LRRC7: variants seen among roughly 807,000 people sequenced by gnomAD.
LRRC7 encodes leucine-rich repeat-containing protein 7.
Under a neutral mutation model 175.7 loss-of-function variants are expected in LRRC7, and 23 were observed. That is an observed-to-expected ratio of 0.13 (90% CI 0.09 to 0.19). LRRC7 has a LOEUF of 0.19. Among genes scored for constraint, LRRC7 ranks in the 10% least tolerant of loss-of-function variants. LRRC7 has a pLI of 1.00. For missense variants in LRRC7, 1,354 were observed against 1,904.7 expected (o/e 0.71, Z 5.38); for synonymous variants, 685 against 680.9 (o/e 1.01, Z -0.09).
At chr1:69,722,023 GTC>G (rs1666412596) in intron 2 of LRRC7, among the ~76,000 whole-genome samples, 1 of 151,806 alleles carries the variant, frequency 6.6e-6, no homozygotes, top group African/African-American at 2.4e-5. Context: ...ACTGAAAATA[GTC>G]TCTCCCAACT....
intron 1 of LRRC7, among the ~76,000 whole-genome samples, chr1:69,605,173 G>A (rs545789294): frequency 1.8e-4 from 28 of 152,104 alleles, no homozygotes; most frequent in African/African-American, 5.1e-4. Context: ...TGCTGTTCTC[G>A]TGATAGTGAA....
intron 1 of LRRC7, among the ~76,000 whole-genome samples, chr1:69,649,821 G>A (rs1655523597): frequency 1.3e-5 from 2 of 151,358 alleles, no homozygotes; most frequent in South Asian, 4.2e-4. Flanking sequence ...GCTTAAGGGT[G>A]GTAAAGATGG....
At chr1:70,093,316 ATATGAATT>A (rs1358245254) in intron 25 of LRRC7, among the ~76,000 whole-genome samples, 2 of 152,296 alleles carry the variant, frequency 1.3e-5, no homozygotes, top group East Asian at 1.9e-4. Flanking sequence ...CTCTTTATAA[ATATGAATT>A]TATGAATTTA....
intron 7 of LRRC7, among the ~76,000 whole-genome samples, chr1:69,916,557 C>G (rs1402580084): frequency 6.6e-6 from 1 of 151,768 alleles, no homozygotes; most frequent in Non-Finnish European, 1.5e-5. Context: ...ATAGGCCTGT[C>G]AGGATTTTTC....
intron 2 of LRRC7, among the ~76,000 whole-genome samples, chr1:69,708,326 C>G (rs1740907): frequency 0.44 from 66,776 of 151,864 alleles, 14,935 homozygotes; most frequent in Admixed American, 0.5. Flanking sequence ...TTTCCTACCA[C>G]AGTCTACAAG....
At chr1:69,748,305 A>G (rs1027021635) in intron 2 of LRRC7, among the ~76,000 whole-genome samples, 2 of 152,172 alleles carry the variant, frequency 1.3e-5, no homozygotes, top group South Asian at 2.1e-4. Context: ...TACATTGTTT[A>G]CATCAGACAG....
rs1553209788 is a variant in LRRC7 at position 70,135,055 on chromosome 1, TAA to T, written c.*13169_*13170del. 6.6e-6 allele frequency among the ~76,000 whole-genome samples: 1 copy of T among 152,232 alleles called. No individual in the cohort carries two copies. The highest frequency in any genetic ancestry group is 1.5e-5 in the Non-Finnish European group (1 of 68,040). ...TTACATAGAATTTTACTGAAGAGTA[TAA>T]GAGAAAACGTCTTGAAAGTTTGTAT... is the stretch of plus-strand genomic sequence containing the variant. On this transcript the variant is annotated 3_prime_UTR_variant, in exon 27 of 27. Transcript: ENST00000651989.
intron 7 of LRRC7, among the ~76,000 whole-genome samples, chr1:69,842,941 G>T (rs1005382249): frequency 1.3e-5 from 2 of 152,054 alleles, no homozygotes; most frequent in Non-Finnish European, 2.9e-5. Context: ...GCTCACATCT[G>T]TAATCCCAGC....
intron 4 of LRRC7, among the ~76,000 whole-genome samples, chr1:69,796,420 T>C (rs1361197493): frequency 6.6e-6 from 1 of 151,784 alleles, no homozygotes; most frequent in African/African-American, 2.4e-5. Context: ...CTTCTTATCT[T>C]CTCTACCCAA....
intron 2 of LRRC7, among the ~76,000 whole-genome samples, chr1:69,720,560 T>C (rs1286199048): frequency 6.6e-6 from 1 of 151,726 alleles, no homozygotes; most frequent in African/African-American, 2.4e-5. Context: ...CATCTGAAAA[T>C]ATTCTCCTTG....
chr1:70,116,034 A>C (rs1322181743), intron 26 of LRRC7, among the ~76,000 whole-genome samples: 1 of 152,228 alleles, frequency 6.6e-6, no homozygotes, highest in Non-Finnish European at 1.5e-5. Context: ...TATTTGTTGA[A>C]GATGATCATT....
chr1:69,792,108 A>G lies in LRRC7; in HGVS notation c.369A>G (p.Pro123=). The G allele has an allele frequency of 6.2e-7, 1 of 1,611,124 alleles. No individual in the cohort carries two copies. Among genetic ancestry groups the G allele is most frequent in the South Asian group, 1.1e-5 (1 of 90,818 alleles). Residue 123 remains proline (P), a synonymous_variant, in exon 4 of 27, where the codon CCA becomes CCG. Coordinates refer to ENST00000651989, the MANE Select transcript of LRRC7 (RefSeq NM_001370785.2). Reference sequence around the variant, plus strand: ...CTGATAACGACCTTTCAAATCTGCCAACCACTATTGCTAGTTTAGTTAATC... The same window carrying G: ...CTGATAACGACCTTTCAAATCTGCCGACCACTATTGCTAGTTTAGTTAATC... ...SIPDNDLSNL[P]TTIASLVNLK...
intron 7 of LRRC7, among the ~76,000 whole-genome samples, chr1:69,884,197 AC>A (rs1686933953): frequency 1.2e-5 from 1 of 80,026 alleles, no homozygotes; most frequent in Admixed American, 1.4e-4. Context: ...TCTGTAAATT[AC>A]CTTGGGCAGT....
chr1:69,605,781 T>C (rs1373707966), intron 1 of LRRC7, among the ~76,000 whole-genome samples: 1 of 152,058 alleles, frequency 6.6e-6, no homozygotes, highest in African/African-American at 2.4e-5. Context: ...CACACACACA[T>C]ACACTCAAGT....
chr1:69,865,091 A>G (rs1474719036), intron 7 of LRRC7, among the ~76,000 whole-genome samples: 1 of 152,182 alleles, frequency 6.6e-6, no homozygotes, highest in Non-Finnish European at 1.5e-5. Flanking sequence ...ATTTCACCTG[A>G]GAACATCCCA....
At chr1:70,018,377 C>T (rs767646479) in intron 14 of LRRC7, among the ~76,000 whole-genome samples, 9 of 151,858 alleles carry the variant, frequency 5.9e-5, no homozygotes, top group Non-Finnish European at 1.2e-4. Context: ...GGGCAATAAT[C>T]CATGAAAATG....
intron 4 of LRRC7, among the ~76,000 whole-genome samples, chr1:69,801,560 T>C (rs989208027): frequency 4.0e-5 from 6 of 151,794 alleles, no homozygotes; most frequent in Admixed American, 6.6e-5. Context: ...TCAGTTATCA[T>C]GTCTCCTTTT....
intron 7 of LRRC7, among the ~76,000 whole-genome samples, chr1:69,868,823 C>T (rs1685201896): frequency 6.6e-6 from 1 of 151,832 alleles, no homozygotes; most frequent in Admixed American, 6.6e-5. Flanking sequence ...AGGCGCTCTC[C>T]TTGGCTTGTG....
At chr1:69,596,036 A>G (rs1401728648) in intron 1 of LRRC7, among the ~76,000 whole-genome samples, 3 of 152,000 alleles carry the variant, frequency 2.0e-5, no homozygotes, top group Admixed American at 1.3e-4. Context: ...CTTTTATGCA[A>G]TTATCCTTAA....
Sources: allele counts gnomAD v4.1 joint callset (sites outside exome capture counted in the v4.1 genomes callset), GRCh38; gene constraint gnomAD v4.1.1; transcripts MANE v1.5; gene names NCBI Gene and HGNC (gene_info 2026-07-23, HGNC 2026-07-21).